Variants in CELF2 observed in about 807,000 individuals in gnomAD.
CELF2 encodes the protein CUG triplet repeat RNA-binding protein 2.
CELF2 carries 8 observed loss-of-function variants against 62.6 expected under a neutral mutation model. The observed-to-expected ratio is 0.13, with a 90% CI of 0.07 to 0.23. The LOEUF (loss-of-function observed/expected upper bound fraction) is 0.23. Among genes scored for constraint, CELF2 ranks in the 10% least tolerant of loss-of-function variants. The pLI is 1.00. For missense variants in CELF2, 333 were observed against 671.0 expected (o/e 0.50, Z 5.56); for synonymous variants, 258 against 250.0 (o/e 1.03, Z -0.30).
At position 11,270,762 on chromosome 10, in the gene CELF2, C is replaced by G; in HGVS notation, c.715C>G (p.Leu239Val). ...GCAGCTCGCTCAGCAGATGCAGCAG[C>G]TCAACACTGCCACCTGGGGGAACCT... ...QQQLAQQMQQLNTATWGNLTG... is the reference protein window; with the variant it reads ...QQQLAQQMQQVNTATWGNLTG... Residue 239 changes from leucine (L) to valine (V), a missense_variant, in exon 7 of 13, where the codon CTC (leucine) becomes GTC (valine). Leu to Val is a conservative substitution (Grantham distance 32). Around this residue, in one of 3 missense-constraint regions of CELF2, gnomAD observed 253 missense variants for 503.0 expected, o/e 0.50. Coordinates refer to ENST00000633077, the MANE Select transcript of CELF2 (RefSeq NM_001326342.2). The surrounding 1 kb of genome is among the most constrained non-coding windows in gnomAD (Gnocchi z 5.8). The G allele has an allele frequency of 6.4e-7, 1 of 1,559,344 alleles. No individual in the cohort carries two copies. Among genetic ancestry groups the G allele is most frequent in the Non-Finnish European group, 8.7e-7 (1 of 1,148,484 alleles).
rs866165873 is a variant in CELF2, at chr10:11,243,770, C to T, written c.355-5383C>T. ...AAGATTTTTTTAGATACAGCCCATA[C>T]TGTGTCTGAAAAATACTCACTCCTG... On this transcript the variant is annotated intron_variant, in intron 3 of 12. Transcript: ENST00000633077. The surrounding 1 kb of genome is among the most constrained non-coding windows in gnomAD (Gnocchi z 4.1). 1.3e-5 allele frequency among the ~76,000 whole-genome samples: 2 copies of T among 152,220 alleles called. No individual in the cohort carries two copies. Among genetic ancestry groups the T allele is most frequent in the Non-Finnish European group, 2.9e-5 (2 of 68,040 alleles).
At chr10:10,700,473 G>A in the CELF2 span, among the ~76,000 whole-genome samples, 18 of 152,192 alleles carry the variant, frequency 1.2e-4, no homozygotes, top group African/African-American at 4.3e-4. Flanking sequence ...GGGCTGACCT[G>A]TCTCTTCCTG....
At chr10:10,703,648 C>T in the CELF2 span, among the ~76,000 whole-genome samples, 1 of 152,138 alleles carries the variant, frequency 6.6e-6, no homozygotes, top group African/African-American at 2.4e-5. Flanking sequence ...ACAGCTAGGG[C>T]TGAGAACCAT....
chr10:11,134,146 T>C (rs2060040024), intron 1 of CELF2, among the ~76,000 whole-genome samples: 1 of 152,218 alleles, frequency 6.6e-6, no homozygotes, highest in Non-Finnish European at 1.5e-5. Flanking sequence ...TCCTTGTGCC[T>C]GAATGAATCC....
At position 11,328,903 on chromosome 10, in the gene CELF2, C is replaced by A. The variant is rs1416170473; in HGVS notation, c.1439-23C>A. ...CTGCTGGGCTTCCTCTCCAGGCTGA[C>A]TCCCTCTCTCGGTATTTTCCAGGTT... On this transcript the variant is annotated intron_variant, in intron 12 of 12. Coordinates refer to ENST00000633077, the MANE Select transcript of CELF2 (RefSeq NM_001326342.2). This position sits in a 1 kb window ranked among gnomAD's most constrained non-coding sequence, Gnocchi z 6.4. 1 of 1,600,720 alleles carries A rather than the reference C, an allele frequency of 6.2e-7. No individual in the cohort carries two copies. The highest frequency in any genetic ancestry group is 8.5e-7 in the Non-Finnish European group (1 of 1,170,414).
At chr10:10,533,362 A>G in the CELF2 span, among the ~76,000 whole-genome samples, 2 of 152,236 alleles carry the variant, frequency 1.3e-5, no homozygotes, top group Non-Finnish European at 2.9e-5. Context: ...GAAGAACGAG[A>G]GTACAATTTT....
intron 1 of CELF2, among the ~76,000 whole-genome samples, chr10:10,856,942 T>C (rs1048361217): frequency 5.9e-5 from 9 of 152,184 alleles, no homozygotes; most frequent in African/African-American, 1.2e-4. Flanking sequence ...GAAACAAGTT[T>C]GTTGGGACAT....
chr10:10,725,531 A>G, the CELF2 span, among the ~76,000 whole-genome samples: 1 of 152,252 alleles, frequency 6.6e-6, no homozygotes, highest in African/African-American at 2.4e-5. Context: ...ATACATTTCA[A>G]CTCTAGTAAC....
chr10:10,546,833 G>A, the CELF2 span, among the ~76,000 whole-genome samples: 1 of 151,204 alleles, frequency 6.6e-6, no homozygotes, highest in Non-Finnish European at 1.5e-5. Context: ...TCAGCCAGGT[G>A]CCGTAGCTCA....
At chr10:10,641,514 C>T in the CELF2 span, among the ~76,000 whole-genome samples, 5 of 152,054 alleles carry the variant, frequency 3.3e-5, no homozygotes, top group Non-Finnish European at 7.4e-5. Flanking sequence ...GGTCTCTGCT[C>T]ACTGCAATTT....
the CELF2 span, among the ~76,000 whole-genome samples, chr10:10,642,453 G>A: frequency 6.6e-6 from 1 of 152,338 alleles, no homozygotes; most frequent in East Asian, 1.9e-4. Flanking sequence ...CGAGGAGGTT[G>A]TCTTTTTAGC....
intron 2 of CELF2, among the ~76,000 whole-genome samples, chr10:10,988,463 A>T (rs1430815500): frequency 6.6e-6 from 1 of 152,114 alleles, no homozygotes; most frequent in Non-Finnish European, 1.5e-5. Flanking sequence ...GAGCTAAGCC[A>T]TGAGGATACA....
In CELF2 at chr10:11,026,950, C is replaced by T. The variant is rs375896302; in HGVS notation, c.74+8787C>T. On this transcript the variant is annotated intron_variant, in intron 1 of 12. Transcript: ENST00000633077. ...AGTTGAGCATAAGGGTGGCGTGTTT[C>T]GGAATGATTAACTTTATGGATGTCT... Among the ~76,000 whole-genome samples the T allele has an allele frequency of 1.8e-4, 28 of 152,242 alleles. No homozygotes were observed. In the South Asian group the frequency reaches 2.3e-3, roughly 12 times the overall value.
At chr10:11,160,249 G>A (rs554302274) in intron 1 of CELF2, among the ~76,000 whole-genome samples, 28 of 152,352 alleles carry the variant, frequency 1.8e-4, no homozygotes, top group African/African-American at 3.1e-4. Flanking sequence ...AAACTGAGGC[G>A]CAGAGTGGTC....
rs1490266129 is a variant in CELF2, at chr10:11,000,290, C to T, written c.89+80291C>T. On this transcript the variant is annotated intron_variant, in intron 2 of 13. Coordinates refer to the CELF2 transcript ENST00000636488. ...CTACACAGACATAGTCCTCTGAAGC[C>T]AGTTCTTGGTGTCTGCTTTCATTTA... Among the ~76,000 whole-genome samples the T allele has an allele frequency of 2.0e-5, 3 of 152,002 alleles. No homozygotes were observed. In the East Asian group the frequency reaches 5.8e-4, roughly 29 times the overall value.
intron 1 of CELF2, among the ~76,000 whole-genome samples, chr10:10,801,419 A>G (rs545902602): frequency 6.6e-6 from 1 of 152,362 alleles, no homozygotes; most frequent in South Asian, 2.1e-4. Flanking sequence ...ACTTGCCACC[A>G]ATAAGTCTCT....
chr10:10,770,685 T>C, the CELF2 span, among the ~76,000 whole-genome samples: 16 of 145,650 alleles, frequency 1.1e-4, no homozygotes, highest in African/African-American at 4.1e-4. Context: ...CCAGGCCCCA[T>C]TTAGTACCAG....
the CELF2 span, among the ~76,000 whole-genome samples, chr10:10,500,362 C>G: frequency 6.6e-6 from 1 of 152,144 alleles, no homozygotes; most frequent in Admixed American, 6.5e-5. Flanking sequence ...TCACCCAAAT[C>G]TCATCTTGAA....
the CELF2 span, among the ~76,000 whole-genome samples, chr10:10,544,425 G>A: frequency 1.3e-5 from 2 of 152,228 alleles, no homozygotes; most frequent in East Asian, 1.9e-4. Flanking sequence ...TTAGAGAAGT[G>A]ACTTTGAACA....
Sources: allele counts gnomAD v4.1 joint callset (sites outside exome capture counted in the v4.1 genomes callset), GRCh38; gene constraint gnomAD v4.1.1; regional missense constraint gnomAD v4.1.1; non-coding constraint Gnocchi (gnomAD v3.1); transcripts MANE v1.5; gene names NCBI Gene and HGNC (gene_info 2026-07-23, HGNC 2026-07-21).